The following CLNK variants were observed in gnomAD, a reference collection of about 807,000 sequenced individuals.
CLNK encodes the protein cytokine-dependent hematopoietic cell linker.
A neutral mutation model predicts 68.6 loss-of-function variants in CLNK; 74 were observed. That is an observed-to-expected ratio of 1.08 (90% CI 0.89 to 1.31). The LOEUF (loss-of-function observed/expected upper bound fraction) is 1.31. Among genes scored for constraint, CLNK ranks in the 50% most tolerant of loss-of-function variants. The probability of loss-of-function intolerance (pLI) is 0.00; values close to 1 mark genes in which losing one functional copy is unlikely to be tolerated. For synonymous variants in CLNK, 198 were observed against 172.2 expected (o/e 1.15, Z -1.17); for missense variants, 553 against 515.3 (o/e 1.07, Z -0.71).
intron 2 of CLNK, among the ~76,000 whole-genome samples, chr4:10,620,451 A>G (rs1402693939): frequency 1.3e-5 from 2 of 152,138 alleles, no homozygotes; most frequent in Non-Finnish European, 2.9e-5. Context: ...GATTTTATCT[A>G]AGCCACTCAG....
At chr4:10,525,158 G>A (rs567127137) in intron 14 of CLNK, among the ~76,000 whole-genome samples, 13 of 152,184 alleles carry the variant, frequency 8.5e-5, no homozygotes, top group Admixed American at 6.5e-4. Context: ...TCTGCCTCCC[G>A]GGTTCACGCC....
At chr4:10,567,737 A>G (rs1220476486) in intron 5 of CLNK, among the ~76,000 whole-genome samples, 2 of 152,232 alleles carry the variant, frequency 1.3e-5, no homozygotes, top group Admixed American at 6.5e-5. Flanking sequence ...CTAAGGATAA[A>G]TAACCAAATT....
intron 1 of CLNK, among the ~76,000 whole-genome samples, chr4:10,676,776 T>C (rs1444509057): frequency 6.6e-6 from 1 of 152,090 alleles, no homozygotes; most frequent in Non-Finnish European, 1.5e-5. Context: ...AGCTTTCTCA[T>C]GTTCCTTTCC....
chr4:10,548,628 T>C (rs752491433), intron 8 of CLNK, among the ~76,000 whole-genome samples: 13 of 152,176 alleles, frequency 8.5e-5, no homozygotes, highest in Non-Finnish European at 1.3e-4. Context: ...AGGAGTTCTG[T>C]AGTTTTGGGT....
chr4:10,566,590 CA>C (rs1720124629), intron 5 of CLNK, among the ~76,000 whole-genome samples: 1 of 152,146 alleles, frequency 6.6e-6, no homozygotes, highest in South Asian at 2.1e-4. Flanking sequence ...CTCAAGGTGG[CA>C]GGATACAGGA....
At chr4:10,508,431 A>G (rs565078722) in intron 16 of CLNK, among the ~76,000 whole-genome samples, 5 of 152,310 alleles carry the variant, frequency 3.3e-5, no homozygotes, top group African/African-American at 1.2e-4. Flanking sequence ...GGAGGGAGAA[A>G]GAGGTGCGGA....
rs1228843303 is a variant in CLNK at position 10,667,899 on chromosome 4, T to A, written c.-30A>T. 1 of 1,353,260 alleles carries A rather than the reference T, an allele frequency of 7.4e-7. No homozygotes were observed. The highest frequency in any genetic ancestry group is 2.4e-5 in the Admixed American group (1 of 41,984). 83.8% of individuals were successfully genotyped at this position (1,353,260 alleles called of 1,614,324 possible). On this transcript the variant is annotated 5_prime_UTR_variant, in exon 2 of 19. Coordinates refer to ENST00000226951, the MANE Select transcript of CLNK (RefSeq NM_052964.4). ...CTTGGCACCTGGCGGGTAAGAGGGA[T>A]CTTCAATTCAGCCTGTGGAAACAAA...
rs1716481439 is a variant in CLNK at position 10,489,669 on chromosome 4, C to CATTTTTTTT, written c.*797_*798insAAAAAAAAT. On this transcript the variant is annotated 3_prime_UTR_variant, in exon 19 of 19. Coordinates refer to ENST00000226951, the MANE Select transcript of CLNK (RefSeq NM_052964.4). ...GAGCTAATATTCACCAACCCAACAC[C>CATTTTTTTT]TTTTTTTTTTTTTGAGACGGAGTCT... 1 of 62,366 alleles carries CATTTTTTTT rather than the reference C, an allele frequency of 1.6e-5. No individual in the cohort carries two copies. The highest frequency in any genetic ancestry group is 3.7e-5 in the Non-Finnish European group (1 of 26,726). The allele number at this position is 62,366 out of a possible 1,614,324, so 3.9% of individuals were successfully genotyped here. A position where few individuals can be genotyped will look rare whatever the true frequency, so the allele number is the denominator to read the frequency against.
intron 1 of CLNK, among the ~76,000 whole-genome samples, chr4:10,675,026 A>G (rs1157091609): frequency 1.3e-5 from 2 of 152,118 alleles, no homozygotes; most frequent in East Asian, 1.9e-4. Flanking sequence ...CCTAATTAGG[A>G]CAAAGCATGT....
At chr4:10,510,228 G>A (rs182742592) in intron 16 of CLNK, among the ~76,000 whole-genome samples, 10 of 152,178 alleles carry the variant, frequency 6.6e-5, no homozygotes, top group South Asian at 2.1e-4. Flanking sequence ...AATCACTTGC[G>A]GGGGGAGGGG....
the CLNK span, among the ~76,000 whole-genome samples, chr4:10,731,915 A>G: frequency 1.3e-5 from 2 of 152,198 alleles, no homozygotes; most frequent in African/African-American, 4.8e-5. Flanking sequence ...AGGATTAGCA[A>G]CGGTCTCTCT....
At chr4:10,667,786 A>G (rs1042728534) in intron 2 of CLNK, 73 bp downstream of exon 2, 1 of 1,415,252 alleles carries the variant, frequency 7.1e-7, no homozygotes, top group South Asian at 1.4e-5. Context: ...TTCTCAGTTC[A>G]TCTTCCAGAA....
intron 18 of CLNK, among the ~76,000 whole-genome samples, chr4:10,500,139 T>G (rs1324943158): frequency 2.0e-5 from 3 of 152,192 alleles, no homozygotes; most frequent in Non-Finnish European, 4.4e-5. Flanking sequence ...TTGAGGAAAT[T>G]GAAGCCCAGA....
the CLNK span, chr4:10,692,127 C>G: frequency 6.6e-6 from 1 of 151,860 alleles, no homozygotes; most frequent in South Asian, 2.1e-4. Context: ...ATAATAATAG[C>G]TGGTATAAAT....
chr4:10,611,086 G>A (rs1254978077), intron 2 of CLNK, among the ~76,000 whole-genome samples: 1 of 152,198 alleles, frequency 6.6e-6, no homozygotes, highest in Non-Finnish European at 1.5e-5. Flanking sequence ...TTGGGAGGTT[G>A]AGGCAAACAG....
At chr4:10,528,159 A>C in intron 12 of CLNK, 65 bp from the exon 13 acceptor site, 6 of 767,400 alleles carry the variant, frequency 7.8e-6, no homozygotes, top group Non-Finnish European at 9.1e-6. Context: ...ATATAACACC[A>C]TGTGTGTTTT....
At chr4:10,670,261 A>G (rs936722937) in intron 1 of CLNK, among the ~76,000 whole-genome samples, 8 of 152,220 alleles carry the variant, frequency 5.3e-5, no homozygotes, top group African/African-American at 1.7e-4. Flanking sequence ...ATTGATGACA[A>G]TTTTTGAATA....
At chr4:10,724,756 G>T in the CLNK span, among the ~76,000 whole-genome samples, 1 of 152,178 alleles carries the variant, frequency 6.6e-6, no homozygotes, top group African/African-American at 2.4e-5. Context: ...TAAAAAGCAG[G>T]AGCAGGTACA....
chr4:10,578,208 C>T (rs1436670732), intron 4 of CLNK, among the ~76,000 whole-genome samples: 1 of 152,240 alleles, frequency 6.6e-6, no homozygotes, highest in Non-Finnish European at 1.5e-5. Flanking sequence ...TCGAGTTTAA[C>T]GTCACAGCCA....
Sources: allele counts gnomAD v4.1 joint callset (sites outside exome capture counted in the v4.1 genomes callset), GRCh38; gene constraint gnomAD v4.1.1; transcripts MANE v1.5; gene names NCBI Gene and HGNC (gene_info 2026-07-23, HGNC 2026-07-21).